DDHD2: variants seen among roughly 807,000 people sequenced by gnomAD.
DDHD2 encodes DDHD domain containing 2.
A neutral mutation model predicts 91.2 loss-of-function variants in DDHD2; 62 were observed. That is an observed-to-expected ratio of 0.68 (90% CI 0.55 to 0.84). The LOEUF is 0.84. DDHD2 is among the 40% of genes least tolerant of loss of function. DDHD2 has a pLI of 0.00. For missense variants in DDHD2, 740 were observed against 846.9 expected (o/e 0.87, Z 1.57); for synonymous variants, 271 against 293.9 (o/e 0.92, Z 0.80).
chr8:38,231,996 G>C (rs1486990659), intron 1 of DDHD2, 137 bp downstream of exon 1: 1 of 152,778 alleles, frequency 6.5e-6, no homozygotes, highest in Non-Finnish European at 1.5e-5. Flanking sequence ...GGGAACCCTG[G>C]GCACCCTGTG....
Position 38,242,339 on chromosome 8 carries a change from C to A in DDHD2, c.802C>A (p.Leu268Ile). Reference sequence around the variant, plus strand: ...TCAGCAGATTGGGAGGGTAGAATTTCTTCCAGTCAACTGGCACAGTCCTTT... The same window carrying A: ...TCAGCAGATTGGGAGGGTAGAATTTATTCCAGTCAACTGGCACAGTCCTTT... Reference protein sequence around the residue: ...ENQQIGRVEFLPVNWHSPLHS... With the variant: ...ENQQIGRVEFIPVNWHSPLHS... Residue 268 changes from leucine (L) to isoleucine (I), a missense_variant, in exon 7 of 18, where the codon CTT (leucine) becomes ATT (isoleucine). Physicochemically the swap from Leu to Ile is conservative, Grantham distance 5. This residue lies in a region of DDHD2 where 693 missense variants were observed against 764.2 expected (regional missense o/e 0.91). Transcript: ENST00000397166. 1.2e-6 allele frequency: 2 copies of A among 1,611,250 alleles called. No individual in the cohort carries two copies. The highest frequency in any genetic ancestry group is 1.7e-6 in the Non-Finnish European group (2 of 1,179,156).
chr8:38,242,091 A>G, intron 6 of DDHD2, 159 bp from the exon 7 acceptor site: 1 of 586,528 alleles, frequency 1.7e-6, no homozygotes, highest in South Asian at 2.5e-5. Context: ...CTTTTCCTAT[A>G]TGCATTCATA....
chr8:38,259,172 G>T (rs1300288095), intron 16 of DDHD2, among the ~76,000 whole-genome samples: 3 of 151,398 alleles, frequency 2.0e-5, no homozygotes, highest in Non-Finnish European at 1.5e-5. Context: ...AGTGTCTCTA[G>T]AATGATCTCT....
downstream of DDHD2, chr8:38,264,565 T>C (rs754181249): frequency 8.2e-6 from 13 of 1,589,436 alleles, no homozygotes; most frequent in Non-Finnish European, 1.1e-5. Context: ...ATAGCAGACA[T>C]AGGCAAATGT....
At chr8:38,248,776 C>CT (rs1805857985) in intron 10 of DDHD2, among the ~76,000 whole-genome samples, 1 of 151,754 alleles carries the variant, frequency 6.6e-6, no homozygotes, top group African/African-American at 2.4e-5. Flanking sequence ...GAAACCCTGT[C>CT]TGTACTAAAA....
Position 38,233,195 on chromosome 8 carries a change from G to A in DDHD2, c.201G>A (p.Leu67=), listed in dbSNP as rs1365361536. 1 of 1,613,588 alleles carries A rather than the reference G, an allele frequency of 6.2e-7. No individual in the cohort carries two copies. Among genetic ancestry groups the A allele is most frequent in the Non-Finnish European group, 8.5e-7 (1 of 1,179,596 alleles). Reference sequence around the variant, plus strand: ...TCAACTCTGAGGATTCACAGCAGCTGGAAGAGGCATATAGCTCTGGTAGGT... The same window carrying A: ...TCAACTCTGAGGATTCACAGCAGCTAGAAGAGGCATATAGCTCTGGTAGGT... ...IPFNSEDSQQ[L]EEAYSSGKGC... The change falls in exon 2 of 18, where the codon CTG becomes CTA. Residue 67 remains leucine, a synonymous_variant. Transcript: ENST00000397166.
At chr8:38,246,034 T>A in intron 8 of DDHD2, 84 bp downstream of exon 8, 1 of 1,404,906 alleles carries the variant, frequency 7.1e-7, no homozygotes, top group Non-Finnish European at 1.0e-6. Context: ...CTTTTATCAG[T>A]ATGAAATTCA....
chr8:38,267,865 A>C, intron 1 of DDHD2: 1 of 1,608,390 alleles, frequency 6.2e-7, no homozygotes, highest in Non-Finnish European at 8.5e-7. Context: ...GGGCTGAGGC[A>C]GATGCTGGGG....
At chr8:38,267,253 T>C, downstream of DDHD2, 1 of 1,613,996 alleles carries the variant, frequency 6.2e-7, no homozygotes, top group East Asian at 2.2e-5. Flanking sequence ...GTAGAGTCCA[T>C]ATGATATTCA....
downstream of DDHD2, chr8:38,267,143 G>A: frequency 3.2e-6 from 5 of 1,566,980 alleles, no homozygotes; most frequent in Non-Finnish European, 3.5e-6. Flanking sequence ...AGTTACTAAA[G>A]AAGGGGGGAT....
chr8:38,247,400 G>A (rs776973244), intron 9 of DDHD2: 6 of 163,696 alleles, frequency 3.7e-5, no homozygotes, highest in Non-Finnish European at 7.9e-5. Context: ...GATTACAGAT[G>A]TGAGCCACCA....
intron 4 of DDHD2, 120 bp downstream of exon 4, chr8:38,237,747 A>T (rs1804915904): frequency 1.7e-6 from 1 of 586,902 alleles, no homozygotes; most frequent in South Asian, 2.5e-5. Context: ...TTTATATTGA[A>T]TTCACAGTTA....
intron 10 of DDHD2, among the ~76,000 whole-genome samples, chr8:38,248,574 ATAAG>A (rs1414536336): frequency 6.6e-6 from 1 of 152,098 alleles, no homozygotes; most frequent in Non-Finnish European, 1.5e-5. Context: ...GGCAATTACA[ATAAG>A]TAAGTAGGAA....
rs113471566 is a variant in DDHD2 at position 38,256,795 on chromosome 8, A to G, written c.2054+3077A>G. Among the ~76,000 whole-genome samples the G allele has an allele frequency of 1.6e-3, 242 of 152,354 alleles. 2 individuals are homozygous for G. The highest frequency in any genetic ancestry group is 5.5e-3 in the African/African-American group (227 of 41,582). On this transcript the variant is annotated intron_variant, in intron 16 of 17. Coordinates refer to ENST00000397166, the MANE Select transcript of DDHD2 (RefSeq NM_015214.3). ...TGGACATATTCTTGGGTAAATAGGA[A>G]TGGAATGGGTGGATACTATATGGAA...
chr8:38,269,126 A>G (rs886843224), intron 1 of DDHD2: 1 of 1,523,176 alleles, frequency 6.6e-7, no homozygotes, highest in Non-Finnish European at 8.8e-7. Flanking sequence ...TCTTTCTTAC[A>G]GGAAGGCCGC....
chr8:38,233,283 T>C, intron 2 of DDHD2, 69 bp downstream of exon 2: 1 of 1,302,284 alleles, frequency 7.7e-7, no homozygotes, highest in Non-Finnish European at 1.1e-6. Flanking sequence ...TAATGGTCCT[T>C]ATAGTGAGTG....
chr8:38,258,616 T>TTATG (rs1230698142), intron 16 of DDHD2, among the ~76,000 whole-genome samples: 3 of 152,248 alleles, frequency 2.0e-5, no homozygotes, highest in Non-Finnish European at 4.4e-5. Context: ...ATTTGCTTAT[T>TTATG]TATGTACCAT....
intron 10 of DDHD2, among the ~76,000 whole-genome samples, chr8:38,248,944 CAA>C (rs35672008): frequency 9.3e-5 from 5 of 53,638 alleles, no homozygotes; most frequent in Non-Finnish European, 7.7e-5. Flanking sequence ...GACTCCATCT[CAA>C]AAAAAAAAAA....
At chr8:38,248,166 T>C (rs546466390) in intron 10 of DDHD2, among the ~76,000 whole-genome samples, 1 of 152,218 alleles carries the variant, frequency 6.6e-6, no homozygotes, top group South Asian at 2.1e-4. Context: ...TCTACTGTTA[T>C]TTGCGAGTAG....
Sources: gnomAD v4.1 joint callset for allele counts (sites outside exome capture counted in the v4.1 genomes callset) on GRCh38, gnomAD v4.1.1 for gene constraint, gnomAD v4.1.1 regional missense constraint, MANE v1.5 for transcripts, NCBI Gene and HGNC (gene_info 2026-07-23, HGNC 2026-07-21) for gene names.